The following LRRC24 variants were observed in gnomAD, a reference collection of about 807,000 sequenced individuals.
LRRC24 encodes leucine-rich repeat-containing protein 24.
Under a neutral mutation model 15.3 loss-of-function variants are expected in LRRC24, and 19 were observed. That is an observed-to-expected ratio of 1.25 (90% CI 0.87 to 1.83). The LOEUF (loss-of-function observed/expected upper bound fraction) is 1.83. LRRC24 is among the 40% of genes most tolerant of loss of function. The pLI is 0.00. For synonymous variants in LRRC24, 469 were observed against 359.6 expected, an observed-to-expected ratio of 1.30 and a Z score of -3.44; for missense variants, 914 against 723.9, an observed-to-expected ratio of 1.26 and a Z score of -3.01.
Position 144,522,556 on chromosome 8 carries a change from C to T in LRRC24, c.1461G>A (p.Ala487=), listed in dbSNP as rs756704060. 31 of 1,537,098 alleles carry T rather than the reference C, an allele frequency of 2.0e-5. No individual in the cohort carries two copies. The highest frequency in any genetic ancestry group is 2.5e-5 in the Non-Finnish European group (29 of 1,144,676). Residue 487 remains alanine, a synonymous_variant, in exon 5 of 5, where the codon GCG becomes GCA. Coordinates refer to ENST00000529415, the MANE Select transcript of LRRC24 (RefSeq NM_001024678.4). Reference sequence around the variant, plus strand: ...CCTGTTCCGGGCCGCAGTCAGCGGGCGCCTCCGCCGGACCCTCGGCGAAGA... The same window carrying T: ...CCTGTTCCGGGCCGCAGTCAGCGGGTGCCTCCGCCGGACCCTCGGCGAAGA... ...KPLFAEGPAE[A]PADCGPEQGA...
intron 2 of LRRC24, 24 bp from the exon 3 acceptor site, chr8:144,524,743 C>T (rs1354883368): frequency 4.9e-6 from 7 of 1,439,726 alleles, no homozygotes; most frequent in Middle Eastern, 2.0e-4. Context: ...AAAGAGGAGG[C>T]GCTTACCCCG....
At position 144,524,556 on chromosome 8, in the gene LRRC24, T is replaced by A. The variant is rs746616153; in HGVS notation, c.323A>T (p.Asn108Ile). The change falls in exon 3 of 5, where the codon AAC becomes ATC. Residue 108 changes from asparagine (N) to isoleucine (I), a missense_variant. Asn to Ile is a moderately radical substitution (Grantham distance 149). Transcript: ENST00000529415. ...PRLLELALTSNRLRGLRSGAF... is the reference protein window; with the variant it reads ...PRLLELALTSIRLRGLRSGAF... ...GCCGCTGCGCAAGCCGCGCAGCCGG[T>A]TGCTAGTGAGCGCCAGCTCCAGCAG... is the stretch of plus-strand genomic sequence containing the variant. The A allele has an allele frequency of 6.3e-7, 1 of 1,575,116 alleles. No homozygotes were observed. Among genetic ancestry groups the A allele is most frequent in the South Asian group, 1.1e-5 (1 of 88,722 alleles).
rs1317759239 is a variant in LRRC24, at chr8:144,522,749, G to A, written c.1268C>T (p.Ala423Val). Reference protein sequence around the residue: ...LLALTALLLVAMICRRRRRRK... With the variant: ...LLALTALLLVVMICRRRRRRK... ...CCTGCGGCGCCGGCGACAGATCATG[G>A]CGACCAGGAGCAGCGCCGTGAGCGC... The change falls in exon 5 of 5, where the codon GCC (alanine) becomes GTC (valine). Residue 423 changes from alanine to valine, a missense_variant. Ala to Val is a moderately conservative substitution (Grantham distance 64). Transcript: ENST00000529415. 1.3e-6 allele frequency: 2 copies of A among 1,585,350 alleles called. No homozygotes were observed. Among genetic ancestry groups the A allele is most frequent in the African/African-American group, 1.4e-5 (1 of 73,164 alleles).
At position 144,523,382 on chromosome 8, in the gene LRRC24, A is replaced by G; in HGVS notation, c.635T>C (p.Leu212Pro). The G allele has an allele frequency of 6.4e-7, 1 of 1,554,520 alleles. No homozygotes were observed. Among genetic ancestry groups the G allele is most frequent in the Non-Finnish European group, 8.7e-7 (1 of 1,149,082 alleles). The change falls in exon 5 of 5, where the codon CTG (leucine) becomes CCG (proline). Residue 212 changes from leucine to proline, a missense_variant. By Grantham distance (98) the Leu-to-Pro change is moderately conservative. Transcript: ENST00000529415. ...CTTGATCCAGGCACCCAGCCAGTGC[A>G]GGGCGCAGTCACAGCGCCATGGGTT... ...TENPWRCDCA[L>P]HWLGAWIKEG...
Position 144,523,027 on chromosome 8 carries a change from G to A in LRRC24, c.990C>T (p.Leu330=). 6.2e-7 allele frequency: 1 copy of A among 1,600,532 alleles called. No homozygotes were observed. Among genetic ancestry groups the A allele is most frequent in the Non-Finnish European group, 8.5e-7 (1 of 1,175,776 alleles). The change falls in exon 5 of 5, where the codon CTC becomes CTT. Residue 330 remains leucine (L), a synonymous_variant. Coordinates refer to ENST00000529415, the MANE Select transcript of LRRC24 (RefSeq NM_001024678.4). ...HSASDTGSGM[L]FLSNITLAHA... ...GCGCCAGCGTGATGTTGCTGAGGAA[G>A]AGCATGCCGCTGCCCGTGTCGGATG...
rs1169534407 is a variant in LRRC24 at position 144,522,771 on chromosome 8, G to A, written c.1246C>T (p.Leu416Phe). The stretch of plus-strand genomic sequence containing the variant: ...ATGGCGACCAGGAGCAGCGCCGTGA[G>A]CGCCAGCAGCGCGATGGCCGCCGCA... Reference protein sequence around the residue: ...AIAAAIALLALTALLLVAMIC... With the variant: ...AIAAAIALLAFTALLLVAMIC... Residue 416 changes from leucine (L) to phenylalanine (F), a missense_variant, in exon 5 of 5, where the codon CTC becomes TTC. By Grantham distance (22) the Leu-to-Phe change is conservative. Transcript: ENST00000529415. 1.3e-6 allele frequency: 2 copies of A among 1,566,556 alleles called. No homozygotes were observed. Among genetic ancestry groups the A allele is most frequent in the Non-Finnish European group, 8.6e-7 (1 of 1,159,762 alleles).
In LRRC24 at chr8:144,524,919, CG is replaced by C. The variant is rs1816305065; in HGVS notation, c.55del (p.Arg19AlafsTer47). On this transcript the variant is annotated frameshift_variant, in exon 2 of 5. Transcript: ENST00000529415. LOFTEE classifies it high-confidence loss of function. Reference protein sequence around the residue: ...LPLLLLLLPLRAAGCPAACRC... With the variant: ...LPLLLLLLPLXAAGCPAACRC... ...GCAGGCTGCTGGGCAGCCGGCGGCG[CG>C]GAGCGGCAGTAGTAGCAGCAGCAGC... 6.6e-7 allele frequency: 1 copy of C among 1,513,482 alleles called. No individual in the cohort carries two copies. Among genetic ancestry groups the C allele is most frequent in the Admixed American group, 2.0e-5 (1 of 49,934 alleles). The allele number at this position is 1,513,482 out of a possible 1,614,324, so 93.8% of individuals were successfully genotyped here. A position where few individuals can be genotyped will look rare whatever the true frequency, so the allele number is the denominator to read the frequency against.
chr8:144,522,448 G>T lies in LRRC24; in HGVS notation c.*27C>A. The T allele has an allele frequency of 1.4e-6, 2 of 1,392,678 alleles. No individual in the cohort carries two copies. The highest frequency in any genetic ancestry group is 3.6e-5 in the Admixed American group (1 of 27,796). The allele number at this position is 1,392,678 out of a possible 1,614,324, so 86.3% of individuals were successfully genotyped here. ...GAGGCCGCACCGGCCAATCTCCGGCGCCCACGTCATCCGCGCGCCCGCGGC... is the reference window on the plus strand; with the variant it reads ...GAGGCCGCACCGGCCAATCTCCGGCTCCCACGTCATCCGCGCGCCCGCGGC... On this transcript the variant is annotated 3_prime_UTR_variant, in exon 5 of 5. Coordinates refer to ENST00000529415, the MANE Select transcript of LRRC24 (RefSeq NM_001024678.4).
chr8:144,523,505 C>A, intron 4 of LRRC24, 96 bp from the exon 5 acceptor site: 1 of 1,433,406 alleles, frequency 7.0e-7, no homozygotes, highest in East Asian at 2.6e-5. Context: ...GCCTCTTTCC[C>A]ACCTCCCACA....
rs944387451 is a variant in LRRC24 at position 144,524,362 on chromosome 8, G to A, written c.438+79C>T. 17 of 1,594,050 alleles carry A rather than the reference G, an allele frequency of 1.1e-5. No individual in the cohort carries two copies. In the African/African-American group the frequency reaches 1.9e-4, roughly 18 times the overall value. On this transcript the variant is annotated intron_variant, in intron 3 of 4. Coordinates refer to ENST00000529415, the MANE Select transcript of LRRC24 (RefSeq NM_001024678.4). ...TCTTCTTACCAAGCTAGACTGGGTTGCCTTTTCTAACTATTCCAGCCCTAC... is the reference window on the plus strand; with the variant it reads ...TCTTCTTACCAAGCTAGACTGGGTTACCTTTTCTAACTATTCCAGCCCTAC...
rs766744337 is a variant in LRRC24, at chr8:144,524,465, C to T, written c.414G>A (p.Leu138=). The T allele has an allele frequency of 5.0e-6, 8 of 1,597,842 alleles. No individual in the cohort carries two copies. In the South Asian group the frequency reaches 8.8e-5, roughly 18 times the overall value. The part of the protein sequence containing the change: ...YLAGNQLARL[L]DFTFLHLPRL... ...CCGGCAGGTGCAAGAAGGTGAAATC[C>T]AGCAGCCGCGCCAGCTGGTTGCCCG... Residue 138 remains leucine (L), a synonymous_variant, in exon 3 of 5, where the codon CTG becomes CTA. Coordinates refer to ENST00000529415, the MANE Select transcript of LRRC24 (RefSeq NM_001024678.4).
Position 144,522,530 on chromosome 8 carries a change from C to G in LRRC24, c.1487G>C (p.Gly496Ala). 5.9e-6 allele frequency: 9 copies of G among 1,521,052 alleles called. No individual in the cohort carries two copies. The highest frequency in any genetic ancestry group is 7.9e-6 in the Non-Finnish European group (9 of 1,136,654). 94.2% of individuals were successfully genotyped at this position (1,521,052 alleles called of 1,614,324 possible). ...EAPADCGPEQGAGPGLRVPPP... is the reference protein window; with the variant it reads ...EAPADCGPEQAAGPGLRVPPP... The stretch of plus-strand genomic sequence containing the variant: ...GGGCACGCGGAGTCCCGGCCCCGCC[C>G]CCTGTTCCGGGCCGCAGTCAGCGGG... Residue 496 changes from glycine to alanine, a missense_variant, in exon 5 of 5, where the codon GGG (glycine) becomes GCG (alanine). By Grantham distance (60) the Gly-to-Ala change is moderately conservative. Coordinates refer to ENST00000529415, the MANE Select transcript of LRRC24 (RefSeq NM_001024678.4).
At position 144,524,889 on chromosome 8, in the gene LRRC24, C is replaced by G; in HGVS notation, c.86G>C (p.Cys29Ser). 2 of 1,515,064 alleles carry G rather than the reference C, an allele frequency of 1.3e-6. No homozygotes were observed. The highest frequency in any genetic ancestry group is 1.8e-6 in the Non-Finnish European group (2 of 1,133,354). The allele number at this position is 1,515,064 out of a possible 1,614,324, so 93.9% of individuals were successfully genotyped here. A position where few individuals can be genotyped will look rare whatever the true frequency, so the allele number is the denominator to read the frequency against. ...RAAGCPAACR[C>S]YSATVECGAL... ...GCCACACTCCACCGTGGCGCTGTAG[C>G]AGCGGCAGGCTGCTGGGCAGCCGGC... Residue 29 changes from cysteine to serine, a missense_variant, in exon 2 of 5, where the codon TGC becomes TCC. Coordinates refer to ENST00000529415, the MANE Select transcript of LRRC24 (RefSeq NM_001024678.4).
intron 1 of LRRC24, chr8:144,525,791 G>A (rs976148886): frequency 1.3e-5 from 2 of 152,188 alleles, no homozygotes; most frequent in African/African-American, 4.8e-5. Context: ...TGGGGCCCTG[G>A]GAAAGCTGGG....
chr8:144,522,931 G>A lies in LRRC24; in HGVS notation c.1086C>T (p.Val362=). The A allele has an allele frequency of 6.5e-7, 1 of 1,529,784 alleles. No homozygotes were observed. Among genetic ancestry groups the A allele is most frequent in the Non-Finnish European group, 8.7e-7 (1 of 1,148,470 alleles). 94.8% of individuals were successfully genotyped at this position (1,529,784 alleles called of 1,614,324 possible). A position where few individuals can be genotyped will look rare whatever the true frequency, so the allele number is the denominator to read the frequency against. Residue 362 remains valine, a synonymous_variant, in exon 5 of 5, where the codon GTC becomes GTT. Transcript: ENST00000529415. ...GCTGCGGCTGCTGCCGGGACGCGTT[G>A]ACCAGGAGCCGGAAGGGCACGCGGG... ...GAARVPFRLL[V]NASRQQPQQP... is the part of the protein sequence containing the mutation.
At chr8:144,525,082 T>C (rs768744814) in intron 1 of LRRC24, 49 bp from the exon 2 acceptor site, 428 of 1,256,110 alleles carry the variant, frequency 3.4e-4, no homozygotes, top group Non-Finnish European at 4.1e-4. Flanking sequence ...AGCCAGCCAA[T>C]AGATGGAATG....
intron 3 of LRRC24, 58 bp downstream of exon 3, chr8:144,524,383 C>G: frequency 6.3e-7 from 1 of 1,594,100 alleles, no homozygotes; most frequent in Non-Finnish European, 8.5e-7. Context: ...CTATTCCAGC[C>G]CTACAGGGCG....
intron 4 of LRRC24, 133 bp from the exon 5 acceptor site, chr8:144,523,542 TG>T: frequency 7.4e-7 from 1 of 1,343,128 alleles, no homozygotes; most frequent in Non-Finnish European, 9.6e-7. Flanking sequence ...TCCAAGGCCC[TG>T]CCACCCCTTC....
At chr8:144,525,958 G>T (rs1816345027) in intron 1 of LRRC24, 1 of 152,178 alleles carries the variant, frequency 6.6e-6, no homozygotes. Flanking sequence ...GAAGGCTGGG[G>T]TCTGGTTTCA....
Sources: gnomAD v4.1 joint callset for allele counts on GRCh38, gnomAD v4.1.1 for gene constraint, MANE v1.5 for transcripts, NCBI Gene and HGNC (gene_info 2026-07-23, HGNC 2026-07-21) for gene names.